TAFA4: variants seen among roughly 807,000 people sequenced by gnomAD.
TAFA4 encodes the protein chemokine-like protein TAFA-4.
Under a neutral mutation model 21.1 loss-of-function variants are expected in TAFA4, and 20 were observed. The ratio of observed to expected loss-of-function variants is 0.95; its 90% CI spans 0.67 to 1.38. The LOEUF (loss-of-function observed/expected upper bound fraction) is 1.38, where lower values mean the gene tolerates loss of function less well. Ranked by LOEUF, TAFA4 falls within the 40% of genes most tolerant of loss-of-function variation. The pLI, the probability that TAFA4 is intolerant of heterozygous loss-of-function variation, is 0.00. For synonymous variants in TAFA4, 71 were observed against 67.4 expected (o/e 1.05, Z -0.26); for missense variants, 211 against 180.9 (o/e 1.17, Z -0.95).
intron 1 of TAFA4, among the ~76,000 whole-genome samples, chr3:68,924,670 T>A (rs1249431335): frequency 6.6e-6 from 1 of 152,192 alleles, no homozygotes; most frequent in African/African-American, 2.4e-5. Context: ...ATGCTTAGTA[T>A]AACACCCAGC....
At chr3:68,825,765 G>A (rs1176985052) in intron 3 of TAFA4, among the ~76,000 whole-genome samples, 2 of 152,322 alleles carry the variant, frequency 1.3e-5, no homozygotes, top group African/African-American at 2.4e-5. Context: ...TCAAATCTGT[G>A]ACCATTCTGC....
At position 68,871,846 on chromosome 3, in the gene TAFA4, C is replaced by A. The variant is rs186126082; in HGVS notation, c.130+8884G>T. 1.1e-3 allele frequency among the ~76,000 whole-genome samples: 163 copies of A among 152,114 alleles called. 1 individual carries two copies. Among genetic ancestry groups the A allele is most frequent in the African/African-American group, 3.6e-3 (149 of 41,532 alleles). On this transcript the variant is annotated intron_variant, in intron 3 of 5. Coordinates refer to ENST00000295569, the MANE Select transcript of TAFA4 (RefSeq NM_182522.5). ...CAGGGAAATGCAAGTCAAAACCACA[C>A]TGAGATATCATCTCACCCCAGTCAA...
chr3:68,749,054 CT>C (rs1702513618), intron 4 of TAFA4, among the ~76,000 whole-genome samples: 1 of 152,210 alleles, frequency 6.6e-6, no homozygotes, highest in Admixed American at 6.5e-5. Flanking sequence ...GAATAGCTGT[CT>C]GTTTTAGGAC....
At chr3:68,900,283 CAATAATAATAAT>C (rs60973878) in intron 1 of TAFA4, among the ~76,000 whole-genome samples, 83 of 120,676 alleles carry the variant, frequency 6.9e-4, no homozygotes, top group Admixed American at 1.3e-3. Context: ...ATAATAATAA[CAATAATAATAAT>C]AATAATAATA....
At chr3:68,830,220 CT>C (rs1704350696) in intron 3 of TAFA4, among the ~76,000 whole-genome samples, 2 of 152,074 alleles carry the variant, frequency 1.3e-5, no homozygotes, top group Non-Finnish European at 2.9e-5. Flanking sequence ...TATTTCTTGT[CT>C]TCTGCTAGCT....
At chr3:68,747,458 C>G (rs998809142) in intron 4 of TAFA4, among the ~76,000 whole-genome samples, 4 of 152,082 alleles carry the variant, frequency 2.6e-5, no homozygotes, top group Non-Finnish European at 5.9e-5. Context: ...AAGGGCAGTT[C>G]CCCTGCACAC....
chr3:68,743,012 T>G (rs769634448), intron 4 of TAFA4, among the ~76,000 whole-genome samples: 1 of 152,174 alleles, frequency 6.6e-6, no homozygotes, highest in Admixed American at 6.5e-5. Context: ...AATTTCATTA[T>G]CCACTGAAGG....
chr3:68,909,687 T>C (rs1178680606), intron 1 of TAFA4, among the ~76,000 whole-genome samples: 3 of 152,240 alleles, frequency 2.0e-5, no homozygotes, highest in Admixed American at 2.0e-4. Flanking sequence ...TTGCCTCTAC[T>C]ATCAGATGGG....
chr3:68,780,715 T>C (rs1703138341), intron 3 of TAFA4, among the ~76,000 whole-genome samples: 1 of 152,216 alleles, frequency 6.6e-6, no homozygotes, highest in Non-Finnish European at 1.5e-5. Flanking sequence ...TATGTCTTTA[T>C]CAGCAGCATG....
At chr3:68,758,490 C>G (rs1389284967) in intron 3 of TAFA4, among the ~76,000 whole-genome samples, 3 of 152,202 alleles carry the variant, frequency 2.0e-5, no homozygotes, top group African/African-American at 4.8e-5. Context: ...TGCCTGCTGC[C>G]ACGTTAAGAC....
intron 3 of TAFA4, among the ~76,000 whole-genome samples, chr3:68,753,923 G>T (rs1354055498): frequency 6.6e-6 from 1 of 152,232 alleles, no homozygotes; most frequent in African/African-American, 2.4e-5. Context: ...GCTGAGCAGA[G>T]AATCCAGCCA....
intron 3 of TAFA4, among the ~76,000 whole-genome samples, chr3:68,816,534 AT>A (rs1287231500): frequency 6.6e-6 from 1 of 152,086 alleles, no homozygotes; most frequent in Non-Finnish European, 1.5e-5. Flanking sequence ...AGAAATGCTG[AT>A]TTTTGTATGT....
intron 3 of TAFA4, among the ~76,000 whole-genome samples, chr3:68,776,828 A>T (rs907436174): frequency 3.3e-5 from 5 of 152,210 alleles, no homozygotes; most frequent in Non-Finnish European, 7.4e-5. Context: ...ATTTAATTAA[A>T]TTAGAAACCA....
Position 68,918,627 on chromosome 3 carries a change from T to G in TAFA4, c.-123+13613A>C, listed in dbSNP as rs529854600. Among the ~76,000 whole-genome samples the G allele has an allele frequency of 1.1e-3, 171 of 152,330 alleles. 2 individuals are homozygous for G. The highest frequency in any genetic ancestry group is 4.1e-3 in the African/African-American group (169 of 41,582). On this transcript the variant is annotated intron_variant, in intron 1 of 5. Coordinates refer to ENST00000295569, the MANE Select transcript of TAFA4 (RefSeq NM_182522.5). ...ATCACGGGTCACTGCAGCCTTGACCTCCTTGGTTCAAGCAATCCCCCCATC... is the reference window on the plus strand; with the variant it reads ...ATCACGGGTCACTGCAGCCTTGACCGCCTTGGTTCAAGCAATCCCCCCATC...
intron 4 of TAFA4, among the ~76,000 whole-genome samples, chr3:68,748,312 T>G (rs2106745385): frequency 6.6e-6 from 1 of 152,336 alleles, no homozygotes; most frequent in African/African-American, 2.4e-5. Flanking sequence ...AAAATACGTT[T>G]TAAGTGGAAG....
At chr3:68,858,765 T>G (rs1309198404) in intron 3 of TAFA4, among the ~76,000 whole-genome samples, 1 of 152,066 alleles carries the variant, frequency 6.6e-6, no homozygotes, top group Non-Finnish European at 1.5e-5. Context: ...GAACCAGCAC[T>G]TGATCCCTGG....
intron 5 of TAFA4, among the ~76,000 whole-genome samples, chr3:68,737,519 T>C (rs1415860247): frequency 6.6e-6 from 1 of 152,144 alleles, no homozygotes; most frequent in African/African-American, 2.4e-5. Flanking sequence ...ACGTTGAAAA[T>C]GGTCTGGTTT....
chr3:68,824,156 G>C (rs950420736), intron 3 of TAFA4, among the ~76,000 whole-genome samples: 1 of 152,112 alleles, frequency 6.6e-6, no homozygotes, highest in African/African-American at 2.4e-5. Flanking sequence ...CGACAACATA[G>C]ATCATTTGTG....
chr3:68,840,193 G>A (rs1029027582), intron 3 of TAFA4, among the ~76,000 whole-genome samples: 30 of 152,098 alleles, frequency 2.0e-4, no homozygotes, highest in African/African-American at 7.2e-4. Flanking sequence ...ACTTTTGGTT[G>A]GTTGGTTGAA....
Sources: allele counts gnomAD v4.1 joint callset (sites outside exome capture counted in the v4.1 genomes callset), GRCh38; gene constraint gnomAD v4.1.1; transcripts MANE v1.5; gene names NCBI Gene and HGNC (gene_info 2026-07-23, HGNC 2026-07-21).